The following GRIK3 variants were observed in gnomAD, a reference collection of about 807,000 sequenced individuals.
The protein encoded by GRIK3 is glutamate ionotropic receptor kainate type subunit 3.
In GRIK3, 29 loss-of-function variants were observed where a neutral mutation model predicts 102.5. The ratio of observed to expected loss-of-function variants is 0.28; its 90% CI spans 0.21 to 0.39. GRIK3 has a LOEUF of 0.39. Ranked by LOEUF, GRIK3 falls within the 10% of genes least tolerant of loss-of-function variation. The pLI is 1.00. For missense variants in GRIK3, 908 were observed against 1,252.4 expected (o/e 0.73, Z 4.15); for synonymous variants, 511 against 504.9 (o/e 1.01, Z -0.16).
Position 36,850,559 on chromosome 1 carries a change from C to T in GRIK3, c.1213-135G>A, listed in dbSNP as rs1640572751. 1 of 653,026 alleles carries T rather than the reference C, an allele frequency of 1.5e-6. No individual in the cohort carries two copies. The highest frequency in any genetic ancestry group is 2.7e-5 in the East Asian group (1 of 36,870). 40.5% of individuals were successfully genotyped at this position (653,026 alleles called of 1,614,324 possible). Reference sequence around the variant, plus strand: ...TGATCATCATCATCATCACCACTGCCATTGTGTTTCCAGTTATAACCGTTC... The same window carrying T: ...TGATCATCATCATCATCACCACTGCTATTGTGTTTCCAGTTATAACCGTTC... On this transcript the variant is annotated intron_variant, in intron 8 of 15. Transcript: ENST00000373091. This position sits in a 1 kb window ranked among gnomAD's most constrained non-coding sequence, Gnocchi z 4.0.
intron 1 of GRIK3, among the ~76,000 whole-genome samples, chr1:37,024,571 C>T (rs1344548034): frequency 6.6e-6 from 1 of 151,056 alleles, no homozygotes; most frequent in Non-Finnish European, 1.5e-5. Context: ...GGTGAAACCC[C>T]ATCTCTACTA....
At chr1:36,803,458 C>T (rs748205192) in intron 15 of GRIK3, among the ~76,000 whole-genome samples, 4 of 151,826 alleles carry the variant, frequency 2.6e-5, no homozygotes, top group Middle Eastern at 3.2e-3. Flanking sequence ...TTTTTTGAGA[C>T]GAAGTCTCTG....
At chr1:36,855,778 G>GC (rs1640644557) in intron 7 of GRIK3, among the ~76,000 whole-genome samples, 1 of 152,214 alleles carries the variant, frequency 6.6e-6, no homozygotes, top group East Asian at 1.9e-4. Context: ...AGTCACTTGG[G>GC]CCCTGGCCCA....
rs79990810 is a variant in GRIK3, at chr1:36,923,446, C to A, written c.116-32350G>T. Among the ~76,000 whole-genome samples the A allele has an allele frequency of 5.3e-3, 802 of 152,298 alleles. 6 individuals are homozygous for A. Among genetic ancestry groups the A allele is most frequent in the African/African-American group, 0.018 (764 of 41,564 alleles). On this transcript the variant is annotated intron_variant, in intron 1 of 15. Transcript: ENST00000373091. Reference sequence around the variant, plus strand: ...AGACCCTAGAAATCTGACATTTTGACCCCTAATTTGCTGGAGCCAAATTTT... The same window carrying A: ...AGACCCTAGAAATCTGACATTTTGAACCCTAATTTGCTGGAGCCAAATTTT...
intron 5 of GRIK3, among the ~76,000 whole-genome samples, chr1:36,862,007 G>A (rs1452393274): frequency 6.6e-6 from 1 of 152,194 alleles, no homozygotes; most frequent in African/African-American, 2.4e-5. Context: ...CCCCTGTGAA[G>A]TAGGCATTGA....
At chr1:36,871,415 T>C (rs1640842536) in intron 4 of GRIK3, among the ~76,000 whole-genome samples, 1 of 152,224 alleles carries the variant, frequency 6.6e-6, no homozygotes, top group Non-Finnish European at 1.5e-5. Context: ...TGAGGGGTCA[T>C]GTGTCAAAGC....
chr1:36,834,033 G>A (rs55679851), intron 10 of GRIK3, among the ~76,000 whole-genome samples: 18,736 of 152,212 alleles, frequency 0.12, 1,257 homozygotes, highest in Non-Finnish European at 0.15. Context: ...CTGGGAACCA[G>A]GGAAGCTCTT....
chr1:36,881,630 C>G (rs2124263973), intron 2 of GRIK3, among the ~76,000 whole-genome samples: 1 of 152,318 alleles, frequency 6.6e-6, no homozygotes, highest in Non-Finnish European at 1.5e-5. Context: ...CCGCCATCAT[C>G]TTTGGCTTGG....
intron 10 of GRIK3, among the ~76,000 whole-genome samples, chr1:36,834,069 C>T (rs1423878701): frequency 2.0e-5 from 3 of 152,242 alleles, no homozygotes; most frequent in African/African-American, 7.2e-5. Flanking sequence ...CACTTGCTCT[C>T]ATTGAATATT....
chr1:36,839,757 G>A (rs1357701858), intron 10 of GRIK3, among the ~76,000 whole-genome samples: 1 of 152,152 alleles, frequency 6.6e-6, no homozygotes, highest in Non-Finnish European at 1.5e-5. Context: ...CTGAGCTCGA[G>A]TTCATGCTCT....
intron 1 of GRIK3, among the ~76,000 whole-genome samples, chr1:36,962,730 C>T (rs1016311746): frequency 2.0e-5 from 3 of 150,680 alleles, no homozygotes; most frequent in African/African-American, 7.3e-5. Flanking sequence ...AGGGACCAAG[C>T]CAGGTGGATA....
chr1:36,980,271 A>G (rs983814498), intron 1 of GRIK3, among the ~76,000 whole-genome samples: 1 of 152,064 alleles, frequency 6.6e-6, no homozygotes, highest in African/African-American at 2.4e-5. Flanking sequence ...CCCAAAGTCT[A>G]CAGAGCGCCG....
intron 1 of GRIK3, among the ~76,000 whole-genome samples, chr1:36,911,544 A>C (rs1398327883): frequency 6.6e-6 from 1 of 152,130 alleles, no homozygotes; most frequent in Non-Finnish European, 1.5e-5. Context: ...AGATCTGAGC[A>C]GAGGATGTGC....
chr1:36,807,912 C>T (rs887701089), intron 13 of GRIK3, among the ~76,000 whole-genome samples: 11 of 152,208 alleles, frequency 7.2e-5, no homozygotes, highest in African/African-American at 2.4e-4. Context: ...CTGCAGCTCT[C>T]ACTGGCCTCT....
chr1:36,958,096 A>G (rs1641945902), intron 1 of GRIK3, among the ~76,000 whole-genome samples: 1 of 115,664 alleles, frequency 8.6e-6, no homozygotes, highest in Non-Finnish European at 1.7e-5. Flanking sequence ...GCGCCCTGTG[A>G]GCCTGTGTGC....
At chr1:36,925,137 A>C (rs1197367985) in intron 1 of GRIK3, among the ~76,000 whole-genome samples, 2 of 152,212 alleles carry the variant, frequency 1.3e-5, no homozygotes, top group Non-Finnish European at 2.9e-5. Flanking sequence ...CACTACCCTG[A>C]CATACATTCA....
At chr1:36,921,111 C>T (rs1041869320) in intron 1 of GRIK3, among the ~76,000 whole-genome samples, 12 of 152,214 alleles carry the variant, frequency 7.9e-5, no homozygotes, top group African/African-American at 2.4e-4. Context: ...TGGGTGGACA[C>T]GGATGCCGAA....
chr1:36,957,183 A>G (rs1570821952), intron 1 of GRIK3, among the ~76,000 whole-genome samples: 1 of 152,146 alleles, frequency 6.6e-6, no homozygotes. Context: ...AGAGAGAGGG[A>G]CATGTGTTTA....
intron 1 of GRIK3, among the ~76,000 whole-genome samples, chr1:36,987,731 G>A (rs1642321138): frequency 6.6e-6 from 1 of 152,122 alleles, no homozygotes; most frequent in South Asian, 2.1e-4. Flanking sequence ...TATGGGTACA[G>A]CCCAGGCCAG....
Sources: allele counts gnomAD v4.1 joint callset (sites outside exome capture counted in the v4.1 genomes callset), GRCh38; gene constraint gnomAD v4.1.1; non-coding constraint Gnocchi (gnomAD v3.1); transcripts MANE v1.5; gene names NCBI Gene and HGNC (gene_info 2026-07-23, HGNC 2026-07-21).